The following WDR7 variants were observed in gnomAD, a reference collection of about 807,000 sequenced individuals.
The protein encoded by WDR7 is WD repeat-containing protein 7.
In WDR7, 46 loss-of-function variants were observed where a neutral mutation model predicts 169.4. The observed-to-expected ratio is 0.27, with a 90% CI of 0.21 to 0.35. WDR7 has a LOEUF of 0.35. Among genes scored for constraint, WDR7 ranks in the 10% least tolerant of loss-of-function variants. The probability of loss-of-function intolerance (pLI) is 1.00; values close to 1 mark genes in which losing one functional copy is unlikely to be tolerated. For missense variants in WDR7, 1,534 were observed against 1,859.3 expected (o/e 0.83, Z 3.22); for synonymous variants, 612 against 666.8 (o/e 0.92, Z 1.27).
chr18:56,706,992 T>TA (rs1431870972), intron 12 of WDR7, among the ~76,000 whole-genome samples: 8 of 150,724 alleles, frequency 5.3e-5, no homozygotes, highest in African/African-American at 1.2e-4. Context: ...ATTTTTATTT[T>TA]TTTTTTTGAG....
intron 19 of WDR7, among the ~76,000 whole-genome samples, chr18:56,803,779 T>C (rs1054357301): frequency 3.3e-5 from 5 of 152,216 alleles, no homozygotes; most frequent in Admixed American, 6.5e-5. Flanking sequence ...CAACCCCTTG[T>C]ATCCATCATT....
At chr18:56,903,313 A>G (rs9953068) in intron 21 of WDR7, among the ~76,000 whole-genome samples, 291 of 152,336 alleles carry the variant, frequency 1.9e-3, no homozygotes, top group African/African-American at 6.7e-3. Flanking sequence ...TTCTGGTGGT[A>G]AAATTCACTT....
intron 17 of WDR7, among the ~76,000 whole-genome samples, chr18:56,778,041 T>TAAA (rs1422459618): frequency 1.9e-4 from 29 of 152,318 alleles, no homozygotes; most frequent in Middle Eastern, 3.4e-3. Context: ...TGAAATACTT[T>TAAA]AGGAAATTAC....
At chr18:56,716,030 AGTGTGTGTGT>A (rs10572330) in intron 12 of WDR7, among the ~76,000 whole-genome samples, 10 of 146,586 alleles carry the variant, frequency 6.8e-5, no homozygotes, top group African/African-American at 7.5e-5. Context: ...CATACGTAGC[AGTGTGTGTGT>A]GTGTGTGTGT....
intron 20 of WDR7, among the ~76,000 whole-genome samples, chr18:56,816,963 A>G (rs2044982712): frequency 6.6e-6 from 1 of 152,190 alleles, no homozygotes; most frequent in African/African-American, 2.4e-5. Context: ...TATTTTAGAA[A>G]GAAGTACGCC....
intron 19 of WDR7, among the ~76,000 whole-genome samples, chr18:56,791,812 C>T (rs185455685): frequency 6.6e-6 from 1 of 152,260 alleles, no homozygotes; most frequent in Non-Finnish European, 1.5e-5. Flanking sequence ...TCCGTTTTGT[C>T]ACTACCCAGT....
chr18:56,981,729 T>A (rs1410889930), intron 26 of WDR7, among the ~76,000 whole-genome samples: 1 of 152,170 alleles, frequency 6.6e-6, no homozygotes, highest in Non-Finnish European at 1.5e-5. Context: ...AGGTCACTGG[T>A]GACTTTACAA....
At chr18:56,789,668 G>A (rs75553105) in intron 19 of WDR7, among the ~76,000 whole-genome samples, 7 of 152,158 alleles carry the variant, frequency 4.6e-5, no homozygotes, top group African/African-American at 1.7e-4. Flanking sequence ...GGCTTGAAAG[G>A]CTTTGAAATA....
intron 16 of WDR7, among the ~76,000 whole-genome samples, chr18:56,764,034 C>T (rs1190710365): frequency 1.3e-5 from 2 of 151,266 alleles, no homozygotes; most frequent in African/African-American, 2.4e-5. Flanking sequence ...TATTATTTTT[C>T]TATTTCACTG....
intron 22 of WDR7, among the ~76,000 whole-genome samples, chr18:56,931,987 G>A (rs1429407776): frequency 1.3e-5 from 2 of 152,134 alleles, no homozygotes; most frequent in African/African-American, 4.8e-5. Context: ...CCTAGAGGTG[G>A]TAGAGAAGGC....
At chr18:56,797,507 CATTTTAT>C (rs1407191437) in intron 19 of WDR7, among the ~76,000 whole-genome samples, 1 of 150,888 alleles carries the variant, frequency 6.6e-6, no homozygotes, top group Non-Finnish European at 1.5e-5. Flanking sequence ...ATTTATATAC[CATTTTAT>C]ATTTTATATT....
intron 20 of WDR7, among the ~76,000 whole-genome samples, chr18:56,853,544 T>C (rs953082133): frequency 2.0e-5 from 3 of 152,194 alleles, no homozygotes; most frequent in Middle Eastern, 3.2e-3. Context: ...GTTTAATCAG[T>C]CAGTCACCTA....
chr18:56,938,809 G>GTA (rs199764903), intron 24 of WDR7, 127 bp downstream of exon 24: 6,981 of 483,868 alleles, frequency 0.014, 299 homozygotes, highest in Admixed American at 0.025. Context: ...GAAAGAATGA[G>GTA]TGTGTGTGTG....
Position 56,900,057 on chromosome 18 carries a change from T to C in WDR7, c.3526+19892T>C, listed in dbSNP as rs868720987. 9.6e-5 allele frequency among the ~76,000 whole-genome samples: 5 copies of C among 52,332 alleles called. No homozygotes were observed. In the South Asian group the frequency reaches 4.2e-3, roughly 44 times the overall value. The allele number at this position is 52,332 out of a possible 152,430, so 34.3% of individuals were successfully genotyped here. A position where few individuals can be genotyped will look rare whatever the true frequency, so the allele number is the denominator to read the frequency against. Reference sequence around the variant, plus strand: ...CTCTGAATTAAGCTCACTGGACACATATATATATGTGTGTGTGTGTGTGTG... The same window carrying C: ...CTCTGAATTAAGCTCACTGGACACACATATATATGTGTGTGTGTGTGTGTG... On this transcript the variant is annotated intron_variant, in intron 21 of 27. Transcript: ENST00000254442.
chr18:56,784,838 T>C (rs748134935), intron 19 of WDR7, among the ~76,000 whole-genome samples: 5 of 152,176 alleles, frequency 3.3e-5, no homozygotes, highest in African/African-American at 4.8e-5. Flanking sequence ...TTGTATTTGA[T>C]TATAGTATCC....
intron 26 of WDR7, among the ~76,000 whole-genome samples, chr18:56,969,413 A>C (rs1334559452): frequency 1.3e-5 from 2 of 152,204 alleles, no homozygotes; most frequent in African/African-American, 4.8e-5. Flanking sequence ...GTTTCATTCA[A>C]TAACCCCATT....
intron 26 of WDR7, among the ~76,000 whole-genome samples, chr18:56,967,543 CTT>C (rs2047427345): frequency 6.6e-6 from 1 of 152,080 alleles, no homozygotes; most frequent in South Asian, 2.1e-4. Flanking sequence ...CAATGAAAAT[CTT>C]CCCTCTATCA....
At chr18:56,899,575 G>A (rs1244173178) in intron 21 of WDR7, among the ~76,000 whole-genome samples, 1 of 151,926 alleles carries the variant, frequency 6.6e-6, no homozygotes, top group East Asian at 1.9e-4. Flanking sequence ...TTTTCAGAGT[G>A]TTTTTCTTCT....
chr18:56,772,355 C>T (rs2044178368), intron 16 of WDR7, among the ~76,000 whole-genome samples: 1 of 152,042 alleles, frequency 6.6e-6, no homozygotes, highest in African/African-American at 2.4e-5. Flanking sequence ...TGAAGGATTA[C>T]AGTGAAGGAA....
Sources: gnomAD v4.1 joint callset for allele counts (sites outside exome capture counted in the v4.1 genomes callset) on GRCh38, gnomAD v4.1.1 for gene constraint, MANE v1.5 for transcripts, NCBI Gene and HGNC (gene_info 2026-07-23, HGNC 2026-07-21) for gene names.